The following OLFM2 variants were observed in gnomAD, a reference collection of about 807,000 sequenced individuals.
OLFM2 encodes olfactomedin 2.
In OLFM2, 20 loss-of-function variants were observed where a neutral mutation model predicts 43.9. The ratio of observed to expected loss-of-function variants is 0.46; its 90% CI spans 0.32 to 0.66. The LOEUF (loss-of-function observed/expected upper bound fraction) is 0.66. Among genes scored for constraint, OLFM2 ranks in the 30% least tolerant of loss-of-function variants. The pLI is 0.04. For synonymous variants in OLFM2, 268 were observed against 278.6 expected, an observed-to-expected ratio of 0.96 and a Z score of 0.38; for missense variants, 416 against 643.6, an observed-to-expected ratio of 0.65 and a Z score of 3.83.
At chr19:9,918,502 T>C (rs1436579528) in intron 1 of OLFM2, among the ~76,000 whole-genome samples, 3 of 152,200 alleles carry the variant, frequency 2.0e-5, no homozygotes, top group African/African-American at 4.8e-5. Flanking sequence ...CTAAAACTCT[T>C]TTTAAAGACC....
Position 9,900,514 on chromosome 19 carries a change from C to T in OLFM2, c.63+35790G>A, listed in dbSNP as rs535078198. On this transcript the variant is annotated intron_variant, in intron 1 of 5. Transcript: ENST00000264833. Reference sequence around the variant, plus strand: ...TCAATAAAAACCACGGTCTCTACCACGCACTGCACCCTTCCTTGTGCCGGG... The same window carrying T: ...TCAATAAAAACCACGGTCTCTACCATGCACTGCACCCTTCCTTGTGCCGGG... Among the ~76,000 whole-genome samples the T allele has an allele frequency of 7.2e-5, 11 of 152,202 alleles. No individual in the cohort carries two copies. In the South Asian group the frequency reaches 2.3e-3, roughly 32 times the overall value.
At chr19:9,887,992 C>T (rs79252423) in intron 1 of OLFM2, among the ~76,000 whole-genome samples, 3,868 of 151,902 alleles carry the variant, frequency 0.025, 151 homozygotes, top group African/African-American at 0.086. Flanking sequence ...ATGATCTCTC[C>T]TTGTCTCAAA....
At chr19:9,860,952 G>T (rs1023157099) in intron 1 of OLFM2, among the ~76,000 whole-genome samples, 158 bp from the exon 2 acceptor site, 35 of 152,248 alleles carry the variant, frequency 2.3e-4, no homozygotes, top group African/African-American at 8.4e-4. Context: ...CCTCCTTAAG[G>T]AGCCTCATTT....
chr19:9,912,430 G>A (rs1196794042), intron 1 of OLFM2, among the ~76,000 whole-genome samples: 1 of 152,132 alleles, frequency 6.6e-6, no homozygotes, highest in Non-Finnish European at 1.5e-5. Context: ...GGTGAAGTTG[G>A]GGCTAAAGAA....
At chr19:9,855,958 G>A (rs1292216041) in intron 5 of OLFM2, among the ~76,000 whole-genome samples, 1 of 152,202 alleles carries the variant, frequency 6.6e-6, no homozygotes, top group African/African-American at 2.4e-5. Context: ...TGGGTGGTTA[G>A]TGGTCACTGG....
rs999438982 is a variant in OLFM2 at position 9,857,394 on chromosome 19, C to T, written c.449G>A (p.Arg150Gln). The stretch of plus-strand genomic sequence containing the variant: ...GCCGGAGAGATTCCTCACCTCCTCC[C>T]GCAAGCGTACAATGGTCCGCGTGTC... ...KADTRTIVRL[R>Q]EEVRNLSGSL... Residue 150 changes from arginine to glutamine, a missense_variant, in exon 4 of 6, where the codon CGG becomes CAG. Physicochemically the swap from Arg to Gln is conservative, Grantham distance 43. Coordinates refer to ENST00000264833, the MANE Select transcript of OLFM2 (RefSeq NM_058164.4). The surrounding 1 kb of genome is among the most constrained non-coding windows in gnomAD (Gnocchi z 5.7). 13 of 1,614,078 alleles carry T rather than the reference C, an allele frequency of 8.1e-6. No individual in the cohort carries two copies. Among genetic ancestry groups the T allele is most frequent in the East Asian group, 4.5e-5 (2 of 44,888 alleles).
At chr19:9,915,340 G>C (rs893232822) in intron 1 of OLFM2, among the ~76,000 whole-genome samples, 1 of 150,774 alleles carries the variant, frequency 6.6e-6, no homozygotes, top group African/African-American at 2.4e-5. Flanking sequence ...GCCTCCCAAA[G>C]TGTTGGCATT....
intron 1 of OLFM2, among the ~76,000 whole-genome samples, chr19:9,882,566 T>TG (rs970305630): frequency 1.5e-4 from 23 of 150,842 alleles, no homozygotes; most frequent in Admixed American, 1.3e-3. Context: ...CATGAATTTT[T>TG]GGGGGGTGGA....
chr19:9,908,051 C>G (rs1374432737), intron 1 of OLFM2, among the ~76,000 whole-genome samples: 1 of 151,834 alleles, frequency 6.6e-6, no homozygotes, highest in South Asian at 2.1e-4. Flanking sequence ...TCTAAAGTCC[C>G]TGAAAGATCC....
chr19:9,913,694 G>A lies in OLFM2; in HGVS notation c.63+22610C>T, dbSNP rs1405061055. 7 of 1,073,080 alleles carry A rather than the reference G, an allele frequency of 6.5e-6. No homozygotes were observed. In the South Asian group the frequency reaches 1.4e-4, roughly 21 times the overall value. The allele number at this position is 1,073,080 out of a possible 1,614,324, so 66.5% of individuals were successfully genotyped here. On this transcript the variant is annotated intron_variant, in intron 1 of 5. Transcript: ENST00000264833. ...CCCGCCGCGGGGCGCTCGGTCCCTC[G>A]ACACCCAGGCGCCCCGGGGGGGCGT...
chr19:9,914,946 G>A (rs533034502), intron 1 of OLFM2, among the ~76,000 whole-genome samples: 4 of 152,206 alleles, frequency 2.6e-5, no homozygotes, highest in African/African-American at 7.2e-5. Context: ...TGAGGGCTCT[G>A]GCTGGGGAGG....
At chr19:9,904,830 G>A (rs1432113703) in intron 1 of OLFM2, among the ~76,000 whole-genome samples, 1 of 151,912 alleles carries the variant, frequency 6.6e-6, no homozygotes, top group African/African-American at 2.4e-5. Flanking sequence ...GACCAGCCTG[G>A]GCCACATAGT....
In OLFM2 at chr19:9,860,756, G is replaced by A; in HGVS notation, c.102C>T (p.Tyr34=). The A allele has an allele frequency of 1.2e-6, 2 of 1,609,604 alleles. No individual in the cohort carries two copies. The highest frequency in any genetic ancestry group is 1.7e-6 in the Non-Finnish European group (2 of 1,178,460). Residue 34 remains tyrosine (Y), a synonymous_variant, in exon 2 of 6, where the codon TAC becomes TAT. Transcript: ENST00000264833. ...FQNPEEGWQL[Y]TSAQAPDGKC... ...TCCCGTCAGGGGCCTGGGCTGAGGT[G>A]TACAGCTGCCAGCCCTCTTCTGGGT...
At chr19:9,920,271 C>T (rs1045577558) in intron 1 of OLFM2, among the ~76,000 whole-genome samples, 2 of 151,490 alleles carry the variant, frequency 1.3e-5, no homozygotes, top group Non-Finnish European at 1.5e-5. Context: ...AGAGCAAGAC[C>T]CTGCCTGTAC....
rs572605774 is a variant in OLFM2 at position 9,875,223 on chromosome 19, G to A, written c.64-14429C>T. Among the ~76,000 whole-genome samples, 40 of 152,304 alleles carry A rather than the reference G, an allele frequency of 2.6e-4. 1 individual carries two copies. Among genetic ancestry groups the A allele is most frequent in the African/African-American group, 5.1e-4 (21 of 41,582 alleles). ...GCTTTTGTACCAAAGAGAAGCAGCC[G>A]CATTTGCATCAGTCTCATTTTTTCA... On this transcript the variant is annotated intron_variant, in intron 1 of 5. Coordinates refer to ENST00000264833, the MANE Select transcript of OLFM2 (RefSeq NM_058164.4).
intron 2 of OLFM2, among the ~76,000 whole-genome samples, chr19:9,858,594 G>A (rs2145432033): frequency 6.6e-6 from 1 of 152,280 alleles, no homozygotes; most frequent in South Asian, 2.1e-4. Flanking sequence ...GCCTGGAGTA[G>A]AGGCCCAATA....
intron 1 of OLFM2, among the ~76,000 whole-genome samples, chr19:9,931,177 G>A (rs1452843116): frequency 6.6e-6 from 1 of 152,172 alleles, no homozygotes; most frequent in East Asian, 1.9e-4. Context: ...AGCCCCAGGA[G>A]AACATCGTCT....
In OLFM2 at chr19:9,892,800, C is replaced by T. The variant is rs148517451; in HGVS notation, c.64-32006G>A. 7.7e-3 allele frequency among the ~76,000 whole-genome samples: 1,178 copies of T among 152,288 alleles called. 20 individuals are homozygous for T. The highest frequency in any genetic ancestry group is 0.026 in the African/African-American group (1,094 of 41,566). ...CAGAGGCACTCGACAGTTTGGGTGA[C>T]GCGGCTCAACAAGTAGGGAGAGCAA... On this transcript the variant is annotated intron_variant, in intron 1 of 5. Coordinates refer to ENST00000264833, the MANE Select transcript of OLFM2 (RefSeq NM_058164.4).
At chr19:9,860,994 T>C (rs987394673) in intron 1 of OLFM2, among the ~76,000 whole-genome samples, 200 bp from the exon 2 acceptor site, 1 of 152,134 alleles carries the variant, frequency 6.6e-6, no homozygotes, top group Non-Finnish European at 1.5e-5. Context: ...GCGGAGGGCT[T>C]AAGGAACACG....
Sources: allele counts gnomAD v4.1 joint callset (sites outside exome capture counted in the v4.1 genomes callset), GRCh38; gene constraint gnomAD v4.1.1; non-coding constraint Gnocchi (gnomAD v3.1); transcripts MANE v1.5; gene names NCBI Gene and HGNC (gene_info 2026-07-23, HGNC 2026-07-21).